ASTN2: variants seen among roughly 807,000 people sequenced by gnomAD.
The protein encoded by ASTN2 is astrotactin 2, also known as astrotactin-2.
ASTN2 carries 54 observed loss-of-function variants against 139.8 expected under a neutral mutation model. That is an observed-to-expected ratio of 0.39 (90% confidence interval 0.31 to 0.48). The LOEUF (loss-of-function observed/expected upper bound fraction) is 0.48, where lower values mean the gene tolerates loss of function less well. Among genes scored for constraint, ASTN2 ranks in the 20% least tolerant of loss-of-function variants. The pLI is 0.95. For missense variants in ASTN2, 1,565 were observed against 1,725.1 expected (o/e 0.91, Z 1.64); for synonymous variants, 756 against 719.5 (o/e 1.05, Z -0.81).
chr9:117,027,768 C>T (rs1028364938), intron 6 of ASTN2, among the ~76,000 whole-genome samples: 4 of 152,118 alleles, frequency 2.6e-5, no homozygotes, highest in Non-Finnish European at 4.4e-5. Flanking sequence ...CCATAGTAGC[C>T]TTTTGCTATA....
At chr9:117,022,456 A>AAC (rs1269392271) in intron 6 of ASTN2, among the ~76,000 whole-genome samples, 3 of 107,172 alleles carry the variant, frequency 2.8e-5, no homozygotes, top group African/African-American at 6.5e-5. Context: ...AAAAAAAAAC[A>AAC]AAAAAACAAA....
chr9:117,386,101 T>G (rs1229654246), intron 1 of ASTN2, among the ~76,000 whole-genome samples: 1 of 151,774 alleles, frequency 6.6e-6, no homozygotes, highest in African/African-American at 2.4e-5. Flanking sequence ...ACTGCCTAAT[T>G]AGAGAAGCTG....
intron 19 of ASTN2, among the ~76,000 whole-genome samples, chr9:116,599,996 GAAT>G (rs1377996050): frequency 6.6e-6 from 1 of 152,050 alleles, no homozygotes; most frequent in African/African-American, 2.4e-5. Flanking sequence ...ATGCCACACA[GAAT>G]AATTTCTCAG....
chr9:117,127,721 C>T (rs1485201768), intron 4 of ASTN2, among the ~76,000 whole-genome samples: 2 of 123,630 alleles, frequency 1.6e-5, no homozygotes, highest in Non-Finnish European at 3.2e-5. Flanking sequence ...CACTCTGTTG[C>T]CCAGGCTGGA....
rs544512097 is a variant in ASTN2 at position 116,493,046 on chromosome 9, T to C, written c.3356-5546A>G. On this transcript the variant is annotated intron_variant, in intron 19 of 22. Transcript: ENST00000313400. ...TTTATAAAAGTTGGTTTTAAAGTTT[T>C]ATTGCTTAAAGTGTTTGAATTCCAG... is the stretch of plus-strand genomic sequence containing the variant. Among the ~76,000 whole-genome samples the C allele has an allele frequency of 6.7e-4, 102 of 152,334 alleles. 1 individual carries two copies. The highest frequency in any genetic ancestry group is 4.7e-4 in the Non-Finnish European group (32 of 68,024).
intron 17 of ASTN2, among the ~76,000 whole-genome samples, chr9:116,622,772 C>G (rs1458166936): frequency 3.3e-5 from 5 of 152,226 alleles, no homozygotes; most frequent in African/African-American, 1.2e-4. Flanking sequence ...ATTTCATAAA[C>G]TATTTGCATA....
At chr9:116,908,158 T>C (rs1588402181) in intron 10 of ASTN2, among the ~76,000 whole-genome samples, 1 of 152,056 alleles carries the variant, frequency 6.6e-6, no homozygotes, top group South Asian at 2.1e-4. Flanking sequence ...CTTCCACATA[T>C]CTTCTAGGTT....
At chr9:117,232,139 C>T (rs1247403380) in intron 2 of ASTN2, among the ~76,000 whole-genome samples, 1 of 152,140 alleles carries the variant, frequency 6.6e-6, no homozygotes, top group African/African-American at 2.4e-5. Flanking sequence ...CTGTCAATTA[C>T]AAAAGCATCT....
chr9:117,058,608 T>C (rs918058990), intron 5 of ASTN2, among the ~76,000 whole-genome samples: 4 of 152,232 alleles, frequency 2.6e-5, no homozygotes, highest in African/African-American at 9.6e-5. Flanking sequence ...ACTGTATCTA[T>C]ACTGCCTCCT....
intron 2 of ASTN2, among the ~76,000 whole-genome samples, chr9:117,245,828 T>C (rs991891427): frequency 4.1e-4 from 63 of 152,162 alleles, no homozygotes; most frequent in Non-Finnish European, 7.2e-4. Flanking sequence ...AGGTCTCTGC[T>C]CTTTAGGTCC....
At chr9:117,412,924 G>C (rs544503309) in intron 1 of ASTN2, among the ~76,000 whole-genome samples, 1 of 152,180 alleles carries the variant, frequency 6.6e-6, no homozygotes, top group Non-Finnish European at 1.5e-5. Context: ...CCCCACAGGT[G>C]CACGTGGGAA....
intron 3 of ASTN2, among the ~76,000 whole-genome samples, chr9:117,199,864 C>T (rs1831644138): frequency 6.6e-6 from 1 of 151,780 alleles, no homozygotes; most frequent in African/African-American, 2.4e-5. Flanking sequence ...TAGCTGTATT[C>T]CTAGGTATTT....
intron 10 of ASTN2, among the ~76,000 whole-genome samples, chr9:116,933,979 C>CTTTTTTTTTTTTTGTT (rs1834988044): frequency 1.2e-5 from 1 of 86,910 alleles, no homozygotes; most frequent in Non-Finnish European, 2.2e-5. Flanking sequence ...AGTGTTAGTC[C>CTTTTTTTTTTTTTGTT]TTTTTTTTTT....
intron 6 of ASTN2, among the ~76,000 whole-genome samples, chr9:117,020,896 G>T (rs1401989427): frequency 6.6e-6 from 1 of 151,794 alleles, no homozygotes; most frequent in Non-Finnish European, 1.5e-5. Context: ...TTATCAAACG[G>T]AAACAAAAGA....
At chr9:116,779,503 T>A (rs1356754268) in intron 13 of ASTN2, among the ~76,000 whole-genome samples, 1 of 4,240 alleles carries the variant, frequency 2.4e-4, no homozygotes, top group Non-Finnish European at 6.5e-3. Flanking sequence ...TCTCAGATAT[T>A]TTTTTTTTTT....
At chr9:116,964,277 T>G (rs1835954427) in intron 10 of ASTN2, among the ~76,000 whole-genome samples, 2 of 137,140 alleles carry the variant, frequency 1.5e-5, no homozygotes, top group African/African-American at 5.5e-5. Context: ...GCGTGTGTGT[T>G]GACTACTGGG....
intron 10 of ASTN2, among the ~76,000 whole-genome samples, chr9:116,935,802 T>C (rs1471203840): frequency 6.6e-6 from 1 of 152,200 alleles, no homozygotes; most frequent in African/African-American, 2.4e-5. Flanking sequence ...AGTTCATGTA[T>C]TTGTTTAGTA....
chr9:117,347,690 T>TA (rs1273990979), intron 1 of ASTN2, among the ~76,000 whole-genome samples: 7 of 152,084 alleles, frequency 4.6e-5, no homozygotes, highest in Non-Finnish European at 1.0e-4. Flanking sequence ...GGTAATAAAT[T>TA]AAAAATGAGA....
At chr9:116,662,263 T>C (rs1355787457) in intron 16 of ASTN2, among the ~76,000 whole-genome samples, 1 of 152,064 alleles carries the variant, frequency 6.6e-6, no homozygotes, top group Non-Finnish European at 1.5e-5. Context: ...TCACCGACAA[T>C]ATAAAGTTGT....
Sources: gnomAD v4.1 joint callset for allele counts (sites outside exome capture counted in the v4.1 genomes callset) on GRCh38, gnomAD v4.1.1 for gene constraint, MANE v1.5 for transcripts, NCBI Gene and HGNC (gene_info 2026-07-23, HGNC 2026-07-21) for gene names.